Variants in ZNF329 observed in about 807,000 individuals in gnomAD.
The protein encoded by ZNF329 is zinc finger protein 329.
Under a neutral mutation model 26.6 loss-of-function variants are expected in ZNF329, and 15 were observed. The ratio of observed to expected loss-of-function variants is 0.56; its 90% CI spans 0.38 to 0.87. The LOEUF is 0.87. Ranked by LOEUF, ZNF329 falls within the 40% of genes least tolerant of loss-of-function variation. The pLI is 0.00. For missense variants in ZNF329, 651 were observed against 651.9 expected, an observed-to-expected ratio of 1.00 and a Z score of 0.02; for synonymous variants, 239 against 233.5, an observed-to-expected ratio of 1.02 and a Z score of -0.21.
chr19:58,128,561 A>G lies in ZNF329; in HGVS notation c.943T>C (p.Tyr315His). The G allele has an allele frequency of 6.2e-7, 1 of 1,614,040 alleles. No homozygotes were observed. The highest frequency in any genetic ancestry group is 8.5e-7 in the Non-Finnish European group (1 of 1,179,968). Residue 315 changes from tyrosine (Y) to histidine (H), a missense_variant, in exon 4 of 4, where the codon TAT becomes CAT. Tyr to His is a moderately conservative substitution (Grantham distance 83). Coordinates refer to ENST00000598312, the MANE Select transcript of ZNF329 (RefSeq NM_024620.4). ...GGTTTCCCACATTCGTTACATCTAT[A>G]TGGTTTTTCCCCTGTATGAGTTCTT... ...HQRTHTGEKP[Y>H]RCNECGKPFT...
chr19:58,148,469 A>G (rs1252326045), intron 1 of ZNF329, among the ~76,000 whole-genome samples: 1 of 151,924 alleles, frequency 6.6e-6, no homozygotes, highest in Non-Finnish European at 1.5e-5. Context: ...TGGCAGGAAA[A>G]AAAAATTACA....
chr19:58,151,811 G>A (rs73939387), upstream of ZNF329, among the ~76,000 whole-genome samples: 1,706 of 152,212 alleles, frequency 0.011, 43 homozygotes, highest in African/African-American at 0.038. Context: ...CAAGAAAGTG[G>A]CAACTGAGGG....
intron 1 of ZNF329, among the ~76,000 whole-genome samples, chr19:58,145,057 G>C (rs576907969): frequency 6.6e-6 from 1 of 150,822 alleles, no homozygotes; most frequent in East Asian, 2.0e-4. Flanking sequence ...CACCATGTTA[G>C]CCAAGATGGT....
At chr19:58,132,915 C>G (rs1016305153) in intron 3 of ZNF329, among the ~76,000 whole-genome samples, 9 of 151,976 alleles carry the variant, frequency 5.9e-5, no homozygotes, top group African/African-American at 2.2e-4. Flanking sequence ...CAGGTTCACG[C>G]CATTCTCCTG....
Position 58,129,341 on chromosome 19 carries a change from C to T in ZNF329, c.163G>A (p.Glu55Lys). The T allele has an allele frequency of 1.2e-6, 2 of 1,614,218 alleles. No individual in the cohort carries two copies. The highest frequency in any genetic ancestry group is 1.7e-6 in the Non-Finnish European group (2 of 1,180,042). The change falls in exon 4 of 4, where the codon GAG becomes AAG. Residue 55 changes from glutamate to lysine, a missense_variant. Glu to Lys is a moderately conservative substitution (Grantham distance 56, BLOSUM62 1). Coordinates refer to ENST00000598312, the MANE Select transcript of ZNF329 (RefSeq NM_024620.4). ...GHLRQSALTL[E>K]KPGTQEAICE... ...ATTGCTTCCTGAGTCCCTGGTTTCT[C>T]CAGAGTTAAAGCTGATTGCCTCAAG...
At position 58,147,608 on chromosome 19, in the gene ZNF329, C is replaced by T. The variant is rs1373918766; in HGVS notation, c.-208+3144G>A. On this transcript the variant is annotated intron_variant, in intron 1 of 3. Coordinates refer to ENST00000598312, the MANE Select transcript of ZNF329 (RefSeq NM_024620.4). Reference sequence around the variant, plus strand: ...CGGGAGGGAGGTGGGGGGGTCAGCCCTCCGCCTGGCCAGACGCCCCGTCCA... The same window carrying T: ...CGGGAGGGAGGTGGGGGGGTCAGCCTTCCGCCTGGCCAGACGCCCCGTCCA... Among the ~76,000 whole-genome samples, 16 of 142,236 alleles carry T rather than the reference C, an allele frequency of 1.1e-4. 1 individual carries two copies. Among genetic ancestry groups the T allele is most frequent in the Non-Finnish European group, 1.8e-4 (12 of 65,758 alleles). 93.3% of individuals were successfully genotyped at this position (142,236 alleles called of 152,430 possible). A position where few individuals can be genotyped will look rare whatever the true frequency, so the allele number is the denominator to read the frequency against.
chr19:58,135,363 C>T (rs1054652491), intron 3 of ZNF329, among the ~76,000 whole-genome samples: 2 of 152,050 alleles, frequency 1.3e-5, no homozygotes, highest in Non-Finnish European at 2.9e-5. Context: ...CTCTACCTCC[C>T]GGGTTCAAGC....
chr19:58,135,944 A>G (rs1299907859), intron 3 of ZNF329, among the ~76,000 whole-genome samples: 1 of 152,178 alleles, frequency 6.6e-6, no homozygotes, highest in Non-Finnish European at 1.5e-5. Context: ...CAAAACACCT[A>G]GAACAGGCCA....
chr19:58,141,818 A>G (rs1190831788), intron 3 of ZNF329, among the ~76,000 whole-genome samples: 1 of 151,838 alleles, frequency 6.6e-6, no homozygotes, highest in Non-Finnish European at 1.5e-5. Flanking sequence ...GCTTGAACCC[A>G]AGAGGCGGAG....
intron 3 of ZNF329, among the ~76,000 whole-genome samples, chr19:58,141,711 G>A (rs2075193059): frequency 1.3e-5 from 2 of 152,020 alleles, no homozygotes; most frequent in Non-Finnish European, 1.5e-5. Flanking sequence ...GGGTAACACG[G>A]TGAAACCCCA....
intron 3 of ZNF329, among the ~76,000 whole-genome samples, chr19:58,137,809 C>CAAA (rs72295173): frequency 5.0e-4 from 38 of 76,256 alleles, no homozygotes; most frequent in African/African-American, 7.6e-4. Flanking sequence ...ACAAAAAATA[C>CAAA]AAAAAAAAAA....
chr19:58,138,822 C>A (rs2146095593), intron 3 of ZNF329, among the ~76,000 whole-genome samples: 1 of 152,134 alleles, frequency 6.6e-6, no homozygotes, highest in African/African-American at 2.4e-5. Flanking sequence ...CACGGCCAAA[C>A]CCCATCTCCA....
upstream of ZNF329, among the ~76,000 whole-genome samples, chr19:58,153,834 C>T (rs1255191131): frequency 6.6e-6 from 1 of 152,062 alleles, no homozygotes; most frequent in East Asian, 1.9e-4. Context: ...TCGACCTCCC[C>T]AGTTGCTGGG....
chr19:58,142,934 A>G (rs996668855), intron 2 of ZNF329, among the ~76,000 whole-genome samples, 171 bp downstream of exon 2: 3 of 152,034 alleles, frequency 2.0e-5, no homozygotes, highest in Non-Finnish European at 4.4e-5. Context: ...CCCAACCCCA[A>G]CCCCATTACC....
At chr19:58,151,765 G>A (rs913107638), upstream of ZNF329, among the ~76,000 whole-genome samples, 1 of 152,288 alleles carries the variant, frequency 6.6e-6, no homozygotes, top group Non-Finnish European at 1.5e-5. Flanking sequence ...AAGTAGTAAA[G>A]TAACAATAAC....
chr19:58,144,134 C>CTTTG (rs2075246679), intron 1 of ZNF329, among the ~76,000 whole-genome samples: 1 of 151,842 alleles, frequency 6.6e-6, no homozygotes, highest in African/African-American at 2.4e-5. Flanking sequence ...TTTGAGTTAT[C>CTTTG]AGAGTAGAAA....
chr19:58,130,118 A>C (rs140475216), intron 3 of ZNF329, among the ~76,000 whole-genome samples: 62 of 152,172 alleles, frequency 4.1e-4, no homozygotes, highest in African/African-American at 1.4e-3. Context: ...TCAGGAGTTC[A>C]AGACCAGCCT....
At position 58,128,644 on chromosome 19, in the gene ZNF329, T is replaced by C. The variant is rs1485340552; in HGVS notation, c.860A>G (p.Tyr287Cys). The C allele has an allele frequency of 1.2e-6, 2 of 1,605,004 alleles. No homozygotes were observed. Among genetic ancestry groups the C allele is most frequent in the South Asian group, 1.1e-5 (1 of 89,544 alleles). ...HQRIHTGEKP[Y>C]ECLECGKTFN... ...GGTTTTTCCACACTCTAGGCATTCA[T>C]AAGGTTTCTCGCCTGTGTGAATTCT... Residue 287 changes from tyrosine to cysteine, a missense_variant, in exon 4 of 4, where the codon TAT becomes TGT. Coordinates refer to ENST00000598312, the MANE Select transcript of ZNF329 (RefSeq NM_024620.4).
upstream of ZNF329, among the ~76,000 whole-genome samples, chr19:58,152,089 T>C (rs1480726525): frequency 6.6e-6 from 1 of 152,182 alleles, no homozygotes; most frequent in East Asian, 1.9e-4. Context: ...ATAGTGATGG[T>C]TGGAGCAACT....
Sources: gnomAD v4.1 joint callset for allele counts (sites outside exome capture counted in the v4.1 genomes callset) on GRCh38, gnomAD v4.1.1 for gene constraint, MANE v1.5 for transcripts, NCBI Gene and HGNC (gene_info 2026-07-23, HGNC 2026-07-21) for gene names.